The following B3GALT1 variants were observed in gnomAD, a reference collection of about 807,000 sequenced individuals.
The protein encoded by B3GALT1 is beta-1,3-galactosyltransferase 1.
B3GALT1 carries 10 observed loss-of-function variants against 23.2 expected under a neutral mutation model. That is an observed-to-expected ratio of 0.43 (90% CI 0.27 to 0.73). The LOEUF (loss-of-function observed/expected upper bound fraction) is 0.73. Ranked by LOEUF, B3GALT1 falls within the 30% of genes least tolerant of loss-of-function variation. The pLI, the probability that B3GALT1 is intolerant of heterozygous loss-of-function variation, is 0.21. For synonymous variants in B3GALT1, 156 were observed against 141.5 expected (o/e 1.10, Z -0.73); for missense variants, 299 against 405.4 (o/e 0.74, Z 2.25).
At chr2:167,409,351 A>C (rs2105294260) in intron 1 of B3GALT1, among the ~76,000 whole-genome samples, 1 of 152,224 alleles carries the variant, frequency 6.6e-6, no homozygotes, top group Non-Finnish European at 1.5e-5. Flanking sequence ...GTGTTTTCCA[A>C]CTTGATTCTA....
chr2:167,772,387 A>G (rs76249801), intron 3 of B3GALT1, among the ~76,000 whole-genome samples: 34 of 152,306 alleles, frequency 2.2e-4, no homozygotes, highest in African/African-American at 7.7e-4. Flanking sequence ...AGTGAGTGCA[A>G]TTAGCCTCCT....
chr2:167,663,459 C>T (rs1686110060), intron 3 of B3GALT1, among the ~76,000 whole-genome samples: 1 of 152,082 alleles, frequency 6.6e-6, no homozygotes, highest in Non-Finnish European at 1.5e-5. Context: ...GATTTATAGT[C>T]CTTTGGGTAT....
intron 2 of B3GALT1, among the ~76,000 whole-genome samples, chr2:167,570,731 T>C (rs930903654): frequency 6.6e-6 from 1 of 151,958 alleles, no homozygotes; most frequent in African/African-American, 2.4e-5. Context: ...TTAATCAGTG[T>C]TCTTTTGTTG....
chr2:167,765,361 A>AATTTATGG (rs1687961037), intron 3 of B3GALT1, among the ~76,000 whole-genome samples: 1 of 152,194 alleles, frequency 6.6e-6, no homozygotes, highest in East Asian at 1.9e-4. Context: ...GGTAGAGTAT[A>AATTTATGG]ACAAGAATCC....
intron 2 of B3GALT1, among the ~76,000 whole-genome samples, chr2:167,550,345 G>A (rs1428641309): frequency 6.6e-6 from 1 of 152,216 alleles, no homozygotes; most frequent in East Asian, 1.9e-4. Flanking sequence ...GACCTAAAAT[G>A]CAATAAGTCT....
At chr2:167,619,309 A>G (rs1362228293) in intron 2 of B3GALT1, among the ~76,000 whole-genome samples, 1 of 151,948 alleles carries the variant, frequency 6.6e-6, no homozygotes, top group African/African-American at 2.4e-5. Flanking sequence ...TCTCTAACAC[A>G]TATCACAATT....
At chr2:167,588,245 C>G (rs972027831) in intron 2 of B3GALT1, among the ~76,000 whole-genome samples, 1 of 144,632 alleles carries the variant, frequency 6.9e-6, no homozygotes, top group South Asian at 2.2e-4. Flanking sequence ...CACCTGTGAG[C>G]TAAAAAAACT....
intron 2 of B3GALT1, among the ~76,000 whole-genome samples, chr2:167,541,479 C>T (rs1574127190): frequency 1.3e-5 from 2 of 152,064 alleles, no homozygotes; most frequent in African/African-American, 4.8e-5. Context: ...AGGATTTAAA[C>T]TATGTACACA....
At chr2:167,526,572 G>A (rs1156950691) in intron 2 of B3GALT1, among the ~76,000 whole-genome samples, 2 of 152,152 alleles carry the variant, frequency 1.3e-5, no homozygotes, top group African/African-American at 4.8e-5. Flanking sequence ...TCATAAATAT[G>A]TGTAGTGTTA....
intron 3 of B3GALT1, among the ~76,000 whole-genome samples, chr2:167,719,333 A>C (rs1394764025): frequency 1.3e-5 from 2 of 152,220 alleles, no homozygotes; most frequent in Non-Finnish European, 2.9e-5. Flanking sequence ...TGCAAATAAT[A>C]TAATGCTTGA....
At chr2:167,848,403 G>C (rs926964020) in intron 4 of B3GALT1, among the ~76,000 whole-genome samples, 12 of 152,166 alleles carry the variant, frequency 7.9e-5, no homozygotes, top group African/African-American at 2.9e-4. Flanking sequence ...CCATGATCAA[G>C]TGGGTTTCAT....
At chr2:167,664,912 G>A (rs2105476474) in intron 3 of B3GALT1, among the ~76,000 whole-genome samples, 1 of 149,426 alleles carries the variant, frequency 6.7e-6, no homozygotes, top group Non-Finnish European at 1.5e-5. Context: ...CTGCAAACAG[G>A]GACAATTTGA....
At chr2:167,677,138 T>C (rs2105489177) in intron 3 of B3GALT1, among the ~76,000 whole-genome samples, 1 of 152,224 alleles carries the variant, frequency 6.6e-6, no homozygotes, top group African/African-American at 2.4e-5. Context: ...AATAAGCAAG[T>C]CTAAATATCT....
chr2:167,521,608 A>T (rs868004783), intron 2 of B3GALT1, among the ~76,000 whole-genome samples: 1 of 152,048 alleles, frequency 6.6e-6, no homozygotes, highest in Non-Finnish European at 1.5e-5. Flanking sequence ...GTTACTTTAA[A>T]ATGTTTGAAT....
chr2:167,513,068 CAAAAAAA>C (rs544667836), intron 2 of B3GALT1, among the ~76,000 whole-genome samples: 963 of 72,562 alleles, frequency 0.013, 12 homozygotes, highest in African/African-American at 0.039. Flanking sequence ...ATTCATGCCA[CAAAAAAA>C]AAAAAAAAAA....
intron 1 of B3GALT1, among the ~76,000 whole-genome samples, chr2:167,439,369 T>A (rs950713631): frequency 2.0e-5 from 3 of 152,218 alleles, no homozygotes; most frequent in Admixed American, 6.5e-5. Flanking sequence ...TTTTTTCTAT[T>A]CATATTTTCC....
chr2:167,299,191 A>G (rs1391172028), intron 1 of B3GALT1, among the ~76,000 whole-genome samples: 2 of 152,204 alleles, frequency 1.3e-5, no homozygotes, highest in South Asian at 2.1e-4. Context: ...GGCTGAATCA[A>G]TTCCTCACTG....
intron 1 of B3GALT1, among the ~76,000 whole-genome samples, chr2:167,425,530 C>T (rs1210721926): frequency 6.6e-6 from 1 of 152,196 alleles, no homozygotes; most frequent in Admixed American, 6.5e-5. Context: ...CTTTTTCATA[C>T]ATCTCCAGAT....
intron 2 of B3GALT1, among the ~76,000 whole-genome samples, chr2:167,637,499 G>C (rs1214457565): frequency 1.3e-5 from 2 of 151,986 alleles, no homozygotes; most frequent in Admixed American, 1.3e-4. Context: ...ATTTGTATGT[G>C]TTGGGAAGGT....
Sources: allele counts gnomAD v4.1 joint callset (sites outside exome capture counted in the v4.1 genomes callset), GRCh38; gene constraint gnomAD v4.1.1; transcripts MANE v1.5; gene names NCBI Gene and HGNC (gene_info 2026-07-23, HGNC 2026-07-21).